The following GALNT13 variants were observed in gnomAD, a reference collection of about 807,000 sequenced individuals.
GALNT13 encodes the protein polypeptide N-acetylgalactosaminyltransferase 13.
Under a neutral mutation model 64.2 loss-of-function variants are expected in GALNT13, and 28 were observed. That is an observed-to-expected ratio of 0.44 (90% CI 0.32 to 0.60). The LOEUF is 0.60. GALNT13 is among the 20% of genes least tolerant of loss of function. The pLI is 0.05. For missense variants in GALNT13, 577 were observed against 669.8 expected, an observed-to-expected ratio of 0.86 and a Z score of 1.53; for synonymous variants, 214 against 224.6, an observed-to-expected ratio of 0.95 and a Z score of 0.42.
the GALNT13 span, among the ~76,000 whole-genome samples, chr2:153,422,777 G>T: frequency 6.6e-6 from 1 of 151,690 alleles, no homozygotes; most frequent in Non-Finnish European, 1.5e-5. Context: ...ATAAAAGTCT[G>T]AGTAATCCTA....
the GALNT13 span, among the ~76,000 whole-genome samples, chr2:153,274,220 T>G: frequency 1.3e-5 from 2 of 152,036 alleles, no homozygotes; most frequent in African/African-American, 2.4e-5. Flanking sequence ...TAAAAAAAAT[T>G]TATAGCTTTC....
At chr2:154,230,407 C>A (rs939364490) in intron 4 of GALNT13, among the ~76,000 whole-genome samples, 1 of 151,996 alleles carries the variant, frequency 6.6e-6, no homozygotes, top group Non-Finnish European at 1.5e-5. Context: ...ATAAAGGGAA[C>A]AATTCCAAAA....
intron 3 of GALNT13, among the ~76,000 whole-genome samples, chr2:154,034,637 G>A (rs1698546533): frequency 6.6e-6 from 1 of 152,130 alleles, no homozygotes; most frequent in Non-Finnish European, 1.5e-5. Context: ...CACACTCTGT[G>A]TCCATTTATT....
At chr2:154,352,650 T>C (rs1416780126) in intron 9 of GALNT13, among the ~76,000 whole-genome samples, 2 of 152,210 alleles carry the variant, frequency 1.3e-5, no homozygotes, top group African/African-American at 4.8e-5. Context: ...CCATAGCTCA[T>C]AACTTGCCAA....
chr2:153,271,497 G>A, the GALNT13 span, among the ~76,000 whole-genome samples: 1 of 152,154 alleles, frequency 6.6e-6, no homozygotes, highest in Non-Finnish European at 1.5e-5. Flanking sequence ...ACCAAATCAT[G>A]AGTGAACTCA....
At chr2:153,623,174 A>T in the GALNT13 span, among the ~76,000 whole-genome samples, 2 of 151,904 alleles carry the variant, frequency 1.3e-5, no homozygotes, top group African/African-American at 4.8e-5. Context: ...GTGGTTTATA[A>T]TTTCTATAAT....
intron 11 of GALNT13, among the ~76,000 whole-genome samples, chr2:154,428,397 A>C (rs1353877354): frequency 1.3e-5 from 2 of 152,230 alleles, no homozygotes; most frequent in Non-Finnish European, 2.9e-5. Context: ...CTCGCACAAG[A>C]AAAGTATTTT....
At chr2:153,102,688 C>T in the GALNT13 span, among the ~76,000 whole-genome samples, 2 of 152,102 alleles carry the variant, frequency 1.3e-5, no homozygotes, top group Non-Finnish European at 2.9e-5. Flanking sequence ...ACCATTCCCC[C>T]GAAACAGCTA....
chr2:153,912,283 A>C (rs951835304), intron 2 of GALNT13, among the ~76,000 whole-genome samples: 14 of 151,876 alleles, frequency 9.2e-5, no homozygotes, highest in African/African-American at 3.4e-4. Context: ...TATACTGGCT[A>C]TTTTGTCTAT....
intron 9 of GALNT13, among the ~76,000 whole-genome samples, chr2:154,360,658 A>G (rs1215196657): frequency 1.3e-5 from 2 of 152,206 alleles, no homozygotes; most frequent in South Asian, 2.1e-4. Context: ...TGGATGTCTC[A>G]TAAGTCTATT....
chr2:153,424,123 TATAC>T, the GALNT13 span, among the ~76,000 whole-genome samples: 1 of 150,180 alleles, frequency 6.7e-6, no homozygotes, highest in Admixed American at 6.6e-5. Flanking sequence ...TCTACCCACA[TATAC>T]ATGGCTTGAT....
chr2:153,549,645 A>G, the GALNT13 span, among the ~76,000 whole-genome samples: 5 of 152,210 alleles, frequency 3.3e-5, no homozygotes, highest in Non-Finnish European at 1.5e-5. Flanking sequence ...GAGGCCAAAT[A>G]CAAGAATGGG....
intron 1 of GALNT13, among the ~76,000 whole-genome samples, chr2:153,895,851 T>G (rs990434405): frequency 4.0e-5 from 6 of 151,704 alleles, no homozygotes; most frequent in Non-Finnish European, 8.8e-5. Context: ...CACAAATATT[T>G]GATGATAATT....
chr2:153,237,872 A>G, the GALNT13 span, among the ~76,000 whole-genome samples: 1 of 152,074 alleles, frequency 6.6e-6, no homozygotes, highest in Non-Finnish European at 1.5e-5. Context: ...GCTGGATAAT[A>G]TGGTAGTTCT....
the GALNT13 span, among the ~76,000 whole-genome samples, chr2:153,460,958 C>CT: frequency 1.3e-5 from 2 of 151,990 alleles, no homozygotes; most frequent in Non-Finnish European, 2.9e-5. Flanking sequence ...TTTAACATGA[C>CT]TTTTTTTGGT....
the GALNT13 span, among the ~76,000 whole-genome samples, chr2:153,639,124 A>G: frequency 6.6e-6 from 1 of 152,094 alleles, no homozygotes; most frequent in Non-Finnish European, 1.5e-5. Flanking sequence ...TAAAGAGATC[A>G]GTAAATACAA....
chr2:154,387,535 A>C (rs112857582), intron 9 of GALNT13, among the ~76,000 whole-genome samples: 1 of 131,580 alleles, frequency 7.6e-6, no homozygotes, highest in East Asian at 2.1e-4. Context: ...TGTTTCTCCT[A>C]TCTGAAATTT....
the GALNT13 span, among the ~76,000 whole-genome samples, chr2:153,616,487 G>A: frequency 2.2e-4 from 33 of 151,650 alleles, no homozygotes; most frequent in Non-Finnish European, 4.6e-4. Context: ...TTTTGATAGG[G>A]ATTTCATTGA....
chr2:153,372,590 G>A, the GALNT13 span, among the ~76,000 whole-genome samples: 2 of 151,846 alleles, frequency 1.3e-5, no homozygotes, highest in African/African-American at 4.8e-5. Context: ...AGGTTGCAGT[G>A]AGCCGAGATC....
Sources: allele counts gnomAD v4.1 joint callset (sites outside exome capture counted in the v4.1 genomes callset), GRCh38; gene constraint gnomAD v4.1.1; transcripts MANE v1.5; gene names NCBI Gene and HGNC (gene_info 2026-07-23, HGNC 2026-07-21).